Variants in BAZ2B observed in about 807,000 individuals in gnomAD.
BAZ2B encodes bromodomain adjacent to zinc finger domain protein 2B.
Under a neutral mutation model 246.0 loss-of-function variants are expected in BAZ2B, and 91 were observed. The observed-to-expected ratio is 0.37, with a 90% CI of 0.31 to 0.44. The LOEUF (loss-of-function observed/expected upper bound fraction) is 0.44. BAZ2B is among the 20% of genes least tolerant of loss of function. The pLI is 1.00. For missense variants in BAZ2B, 2,332 were observed against 2,533.7 expected, an observed-to-expected ratio of 0.92 and a Z score of 1.71; for synonymous variants, 855 against 860.0, an observed-to-expected ratio of 0.99 and a Z score of 0.10.
chr2:159,645,216 G>C, the BAZ2B span, among the ~76,000 whole-genome samples: 1 of 152,040 alleles, frequency 6.6e-6, no homozygotes, highest in African/African-American at 2.4e-5. Context: ...AGGTTGCAGT[G>C]AGCTATGATG....
intron 36 of BAZ2B, chr2:159,321,941 T>C (rs1393521746): frequency 6.6e-6 from 1 of 152,232 alleles, no homozygotes; most frequent in East Asian, 1.9e-4. Context: ...CTTGAGGTGA[T>C]GAATACCCAA....
At chr2:159,690,590 T>C in the BAZ2B span, among the ~76,000 whole-genome samples, 4 of 152,160 alleles carry the variant, frequency 2.6e-5, no homozygotes, top group Admixed American at 2.6e-4. Context: ...TTGAGTTAGT[T>C]TTACCATTGA....
chr2:159,327,481 AAT>A (rs780472235), intron 34 of BAZ2B, among the ~76,000 whole-genome samples: 13 of 152,212 alleles, frequency 8.5e-5, no homozygotes, highest in Non-Finnish European at 5.9e-5. Flanking sequence ...TGAAATAATT[AAT>A]ATGTTTTATT....
At chr2:159,575,724 C>T (rs1356695568) in intron 1 of BAZ2B, among the ~76,000 whole-genome samples, 7 of 151,898 alleles carry the variant, frequency 4.6e-5, no homozygotes, top group African/African-American at 1.5e-4. Context: ...GGTCAAAATC[C>T]ACAAAAAGCA....
intron 20 of BAZ2B, among the ~76,000 whole-genome samples, chr2:159,391,486 A>G (rs944448537): frequency 1.3e-5 from 2 of 152,190 alleles, no homozygotes; most frequent in African/African-American, 2.4e-5. Context: ...TATAAACATC[A>G]TAATTGAGAC....
intron 34 of BAZ2B, among the ~76,000 whole-genome samples, chr2:159,327,306 C>A (rs1252332430): frequency 6.6e-6 from 1 of 152,096 alleles, no homozygotes. Flanking sequence ...ATGACCCCTG[C>A]CAGTACCTTA....
the BAZ2B span, among the ~76,000 whole-genome samples, chr2:159,662,066 T>C: frequency 6.6e-6 from 1 of 152,234 alleles, no homozygotes; most frequent in East Asian, 1.9e-4. Context: ...TTACCTATTC[T>C]GGATATTGCA....
chr2:159,598,927 A>G (rs1311990447), intron 1 of BAZ2B, among the ~76,000 whole-genome samples: 1 of 152,028 alleles, frequency 6.6e-6, no homozygotes, highest in Admixed American at 6.6e-5. Context: ...TCTCATAAAT[A>G]CATACATACA....
intron 2 of BAZ2B, among the ~76,000 whole-genome samples, chr2:159,508,924 C>T (rs2082620179): frequency 1.3e-5 from 2 of 152,004 alleles, no homozygotes; most frequent in Admixed American, 1.3e-4. Flanking sequence ...GTCAAAGTTT[C>T]CCTGTTTTAA....
At chr2:159,325,463 A>T (rs1217084437) in intron 35 of BAZ2B, among the ~76,000 whole-genome samples, 190 bp downstream of exon 35, 2 of 151,882 alleles carry the variant, frequency 1.3e-5, no homozygotes, top group Middle Eastern at 3.2e-3. Flanking sequence ...AACTCAATGC[A>T]AATTAACATT....
chr2:159,471,772 T>C (rs1033778181), intron 3 of BAZ2B, among the ~76,000 whole-genome samples: 11 of 152,144 alleles, frequency 7.2e-5, no homozygotes, highest in Non-Finnish European at 1.0e-4. Context: ...CCAATAGATA[T>C]TTGCTATTGT....
At chr2:159,481,410 T>TA (rs1314635495) in intron 2 of BAZ2B, among the ~76,000 whole-genome samples, 2 of 150,704 alleles carry the variant, frequency 1.3e-5, no homozygotes, top group African/African-American at 4.9e-5. Context: ...CCCTAGAACT[T>TA]AAAGTATAAT....
the BAZ2B span, among the ~76,000 whole-genome samples, chr2:159,638,033 G>A: frequency 6.6e-6 from 1 of 152,216 alleles, no homozygotes; most frequent in Non-Finnish European, 1.5e-5. Flanking sequence ...GGCTAGAAGG[G>A]TGCTTGCATC....
intron 27 of BAZ2B, among the ~76,000 whole-genome samples, chr2:159,354,806 T>A (rs998782017): frequency 6.6e-6 from 1 of 152,184 alleles, no homozygotes; most frequent in East Asian, 1.9e-4. Flanking sequence ...TAGATAACCA[T>A]CTTCAAAGCA....
chr2:159,690,580 T>C, the BAZ2B span, among the ~76,000 whole-genome samples: 1 of 151,608 alleles, frequency 6.6e-6, no homozygotes, highest in East Asian at 1.9e-4. Flanking sequence ...GATTTATTAT[T>C]TGAGTTAGTT....
intron 31 of BAZ2B, among the ~76,000 whole-genome samples, 170 bp downstream of exon 31, chr2:159,347,316 C>T (rs2068039096): frequency 6.6e-6 from 1 of 150,442 alleles, no homozygotes. Context: ...ATTACTTACT[C>T]TGAGCCTGGT....
intron 2 of BAZ2B, among the ~76,000 whole-genome samples, chr2:159,542,469 G>A (rs1053682570): frequency 6.6e-6 from 1 of 151,954 alleles, no homozygotes; most frequent in Admixed American, 6.6e-5. Flanking sequence ...TATGTACAAG[G>A]AATCTTCAAT....
intron 27 of BAZ2B, among the ~76,000 whole-genome samples, chr2:159,366,442 A>T (rs1467903534): frequency 1.3e-5 from 2 of 152,288 alleles, no homozygotes; most frequent in Admixed American, 6.5e-5. Context: ...GTACTATGAG[A>T]CCTTTAATAG....
chr2:159,388,076 T>C (rs2062845687), intron 21 of BAZ2B, among the ~76,000 whole-genome samples: 1 of 151,912 alleles, frequency 6.6e-6, no homozygotes. Context: ...TGTATACATA[T>C]GTAACTAACC....
Sources: allele counts gnomAD v4.1 joint callset (sites outside exome capture counted in the v4.1 genomes callset), GRCh38; gene constraint gnomAD v4.1.1; transcripts MANE v1.5; gene names NCBI Gene and HGNC (gene_info 2026-07-23, HGNC 2026-07-21).